The following AHI1 variants were observed in gnomAD, a reference collection of about 807,000 sequenced individuals.
AHI1 encodes jouberin.
A neutral mutation model predicts 149.3 loss-of-function variants in AHI1; 123 were observed. That is an observed-to-expected ratio of 0.82 (90% CI 0.71 to 0.96). The LOEUF (loss-of-function observed/expected upper bound fraction) is 0.96. AHI1 is among the 40% of genes least tolerant of loss of function. AHI1 has a pLI of 0.00. For missense variants in AHI1, 1,439 were observed against 1,422.7 expected (o/e 1.01, Z -0.18); for synonymous variants, 475 against 459.8 (o/e 1.03, Z -0.42).
chr6:135,358,254 TG>T, intron 23 of AHI1, 67 bp from the exon 24 acceptor site: 1 of 1,360,112 alleles, frequency 7.4e-7, no homozygotes. Context: ...AAAATATTCA[TG>T]CCATTTTATT....
intron 24 of AHI1, among the ~76,000 whole-genome samples, chr6:135,336,167 CATA>C (rs1789355770): frequency 6.9e-6 from 1 of 145,006 alleles, no homozygotes; most frequent in South Asian, 2.2e-4. Context: ...ACATACACTA[CATA>C]ATAACATTTC....
rs140761934 is a variant in AHI1, at chr6:135,358,372, T to A, written c.3110-185A>T. On this transcript the variant is annotated intron_variant, in intron 23 of 28. Coordinates refer to ENST00000265602, the MANE Select transcript of AHI1 (RefSeq NM_001134831.2). Reference sequence around the variant, plus strand: ...GAATTCTTTGGTCAGAAACAGTTGGTCTAAACTGACTCAAGGTTAGCTAAG... The same window carrying A: ...GAATTCTTTGGTCAGAAACAGTTGGACTAAACTGACTCAAGGTTAGCTAAG... Among the ~76,000 whole-genome samples, 367 of 152,318 alleles carry A rather than the reference T, an allele frequency of 2.4e-3. 4 individuals carry two copies. The highest frequency in any genetic ancestry group is 8.3e-3 in the African/African-American group (345 of 41,570).
chr6:135,393,316 GACAGACAT>G (rs1324663185), intron 23 of AHI1, among the ~76,000 whole-genome samples: 1 of 152,080 alleles, frequency 6.6e-6, no homozygotes. Flanking sequence ...CTTGTTGGCA[GACAGACAT>G]AAGATACTGC....
At chr6:135,316,266 ATAATTT>A (rs1444738667) in intron 26 of AHI1, among the ~76,000 whole-genome samples, 2 of 152,148 alleles carry the variant, frequency 1.3e-5, no homozygotes, top group Admixed American at 1.3e-4. Flanking sequence ...TCCTTAATAT[ATAATTT>A]TACATCTGTC....
At chr6:135,450,263 C>T (rs1193097663) in intron 11 of AHI1, among the ~76,000 whole-genome samples, 1 of 151,956 alleles carries the variant, frequency 6.6e-6, no homozygotes, top group Non-Finnish European at 1.5e-5. Context: ...ATAGATGTGA[C>T]AAAATAACTA....
rs531485916 is a variant in AHI1, at chr6:135,405,816, C to A, written c.2962-839G>T. On this transcript the variant is annotated intron_variant, in intron 21 of 28. Transcript: ENST00000265602. The stretch of plus-strand genomic sequence containing the variant: ...TGGAGGTTGTAGTGAGCCAAGATTG[C>A]GCCACTGCACTCCAGCCTGGGCGAC... 8.9e-5 allele frequency among the ~76,000 whole-genome samples: 13 copies of A among 145,710 alleles called. 1 individual carries two copies. The East Asian group carries it at 2.6e-3, about 29-fold the overall frequency.
intron 15 of AHI1, among the ~76,000 whole-genome samples, chr6:135,437,050 TAA>T (rs1785517341): frequency 6.6e-6 from 1 of 152,150 alleles, no homozygotes; most frequent in Admixed American, 6.5e-5. Context: ...GCCTCTTTGT[TAA>T]AAGAGATGGA....
chr6:135,482,505 AT>A (rs1011102379), intron 5 of AHI1, among the ~76,000 whole-genome samples: 29 of 151,682 alleles, frequency 1.9e-4, no homozygotes, highest in African/African-American at 6.3e-4. Flanking sequence ...AGTAATTTAT[AT>A]TGTTATTTCT....
chr6:135,458,980 A>G (rs1789434122), intron 8 of AHI1, among the ~76,000 whole-genome samples: 1 of 152,236 alleles, frequency 6.6e-6, no homozygotes, highest in South Asian at 2.1e-4. Context: ...CTCTCTCAAC[A>G]GCTGACAGAA....
chr6:135,454,474 T>G (rs1466823718), intron 10 of AHI1, among the ~76,000 whole-genome samples: 1 of 152,152 alleles, frequency 6.6e-6, no homozygotes, highest in African/African-American at 2.4e-5. Context: ...CTCCCTAAAA[T>G]TTTTGCTATT....
chr6:135,443,817 C>T (rs1786717431), intron 13 of AHI1, among the ~76,000 whole-genome samples: 1 of 152,188 alleles, frequency 6.6e-6, no homozygotes, highest in Admixed American at 6.6e-5. Context: ...TGCTACCCAT[C>T]TTTTCTCTGC....
intron 26 of AHI1, chr6:135,318,308 T>G: frequency 2.2e-6 from 1 of 454,240 alleles, no homozygotes; most frequent in Non-Finnish European, 3.9e-6. Context: ...TGACTTGGAG[T>G]CTACTTTAAC....
At chr6:135,318,173 G>A (rs1336919006) in intron 26 of AHI1, among the ~76,000 whole-genome samples, 2 of 152,222 alleles carry the variant, frequency 1.3e-5, no homozygotes, top group African/African-American at 2.4e-5. Context: ...TAGCATAAAT[G>A]TTTACCTCTC....
intron 5 of AHI1, among the ~76,000 whole-genome samples, chr6:135,473,456 G>T (rs560983042): frequency 3.3e-5 from 5 of 152,148 alleles, no homozygotes; most frequent in African/African-American, 7.2e-5. Flanking sequence ...TAAATTTCTG[G>T]TTTTTTGACT....
chr6:135,402,906 G>A (rs1480119502), intron 22 of AHI1, among the ~76,000 whole-genome samples: 1 of 152,030 alleles, frequency 6.6e-6, no homozygotes. Flanking sequence ...TTTTTGGGGA[G>A]TCAAAAGTTA....
intron 5 of AHI1, among the ~76,000 whole-genome samples, chr6:135,475,800 T>C (rs1792519478): frequency 2.6e-5 from 4 of 152,192 alleles, no homozygotes; most frequent in African/African-American, 9.7e-5. Context: ...TTAATCTGTA[T>C]CCTTTTACAG....
Position 135,431,288 on chromosome 6 carries a change from T to C in AHI1, c.2293A>G (p.Thr765Ala). 1 of 1,606,166 alleles carries C rather than the reference T, an allele frequency of 6.2e-7. No individual in the cohort carries two copies. Among genetic ancestry groups the C allele is most frequent in the Non-Finnish European group, 8.5e-7 (1 of 1,174,948 alleles). The change falls in exon 17 of 29, where the codon ACA becomes GCA. Residue 765 changes from threonine (T) to alanine (A), a missense_variant. Coordinates refer to ENST00000265602, the MANE Select transcript of AHI1 (RefSeq NM_001134831.2). ...EGHHMYSGDC[T>A]GVIVVWNTYV... The stretch of plus-strand genomic sequence containing the variant: ...GTATTCCAAACAACAATCACCCCTG[T>C]ACAATCTCCTGAATACATATGATGA...
intron 24 of AHI1, among the ~76,000 whole-genome samples, chr6:135,345,161 T>A (rs1791003559): frequency 6.6e-6 from 1 of 152,142 alleles, no homozygotes; most frequent in African/African-American, 2.4e-5. Context: ...AGGACAGCTA[T>A]AATACAAAAT....
chr6:135,366,937 C>T (rs1424764617), intron 23 of AHI1, among the ~76,000 whole-genome samples: 1 of 152,186 alleles, frequency 6.6e-6, no homozygotes, highest in African/African-American at 2.4e-5. Flanking sequence ...CCTCTTAGCA[C>T]TGCTTTTGCT....
Sources: allele counts gnomAD v4.1 joint callset (sites outside exome capture counted in the v4.1 genomes callset), GRCh38; gene constraint gnomAD v4.1.1; transcripts MANE v1.5; gene names NCBI Gene and HGNC (gene_info 2026-07-23, HGNC 2026-07-21).